RNF212B: variants seen among roughly 807,000 people sequenced by gnomAD.
RNF212B encodes the protein E3 ubiquitin-protein ligase RNF212B.
RNF212B carries 52 observed loss-of-function variants against 55.5 expected under a neutral mutation model. The ratio of observed to expected loss-of-function variants is 0.94; its 90% CI spans 0.75 to 1.18. The LOEUF (loss-of-function observed/expected upper bound fraction) is 1.18. Among genes scored for constraint, RNF212B ranks in the 50% most tolerant of loss-of-function variants. RNF212B has a pLI of 0.00. For synonymous variants in RNF212B, 99 were observed against 121.4 expected, an observed-to-expected ratio of 0.82 and a Z score of 1.21; for missense variants, 289 against 350.4, an observed-to-expected ratio of 0.82 and a Z score of 1.40.
chr14:23,216,886 A>AAAAAAAAAC (rs1881128268), intron 2 of RNF212B, among the ~76,000 whole-genome samples: 1 of 150,430 alleles, frequency 6.6e-6, no homozygotes, highest in Non-Finnish European at 1.5e-5. Flanking sequence ...TCTCAAAAAA[A>AAAAAAAAAC]AAAAAAAAAA....
chr14:23,258,730 T>C, intron 5 of RNF212B, 66 bp downstream of exon 5: 1 of 682,146 alleles, frequency 1.5e-6, no homozygotes, highest in Non-Finnish European at 2.3e-6. Flanking sequence ...GTGACAGTCC[T>C]TATTGTGTTT....
chr14:23,242,442 A>G (rs1731875300), intron 2 of RNF212B, among the ~76,000 whole-genome samples: 1 of 152,232 alleles, frequency 6.6e-6, no homozygotes, highest in Non-Finnish European at 1.5e-5. Flanking sequence ...AGAGCTTCAA[A>G]GCAAGATTAA....
rs1879867775 is a variant in RNF212B at position 23,206,682 on chromosome 14, C to A, written c.-2+13281C>A. On this transcript the variant is annotated intron_variant, in intron 2 of 15. Coordinates refer to the RNF212B transcript ENST00000399910. ...AACAACTCAGGTGAAAATCAAATAGCAAAATTTACATCATAAGGTAGAGAG... is the reference window on the plus strand; with the variant it reads ...AACAACTCAGGTGAAAATCAAATAGAAAAATTTACATCATAAGGTAGAGAG... 2.0e-5 allele frequency among the ~76,000 whole-genome samples: 3 copies of A among 152,016 alleles called. No individual in the cohort carries two copies. In the South Asian group the frequency reaches 6.2e-4, roughly 31 times the overall value.
At chr14:23,241,625 T>C (rs1480866150) in intron 2 of RNF212B, among the ~76,000 whole-genome samples, 1 of 151,838 alleles carries the variant, frequency 6.6e-6, no homozygotes, top group African/African-American at 2.4e-5. Flanking sequence ...GGTTTCACCA[T>C]GTTGGCCAGG....
intron 2 of RNF212B, among the ~76,000 whole-genome samples, chr14:23,193,624 T>C (rs765713626): frequency 6.6e-6 from 1 of 152,100 alleles, no homozygotes; most frequent in Non-Finnish European, 1.5e-5. Context: ...GAACTAGCGA[T>C]AGTGACACAG....
intron 4 of RNF212B, among the ~76,000 whole-genome samples, chr14:23,254,291 AC>A (rs58134677): frequency 0.37 from 36,215 of 97,556 alleles, 5,845 homozygotes; most frequent in African/African-American, 0.47. Context: ...TATCTCAAAA[AC>A]AAAACAAAAC....
Position 23,232,136 on chromosome 14 carries a change from G to A in RNF212B, c.-1-8209G>A, listed in dbSNP as rs575550079. 1.4e-4 allele frequency among the ~76,000 whole-genome samples: 21 copies of A among 151,824 alleles called. No individual in the cohort carries two copies. In the East Asian group the frequency reaches 4.1e-3, roughly 30 times the overall value. On this transcript the variant is annotated intron_variant, in intron 2 of 15. Transcript: ENST00000399910. ...GGGATGTGAGGAGCCCCTCTGCCCGGCTGCCCACTCTGGGAAGTGAGGAGG... is the reference window on the plus strand; with the variant it reads ...GGGATGTGAGGAGCCCCTCTGCCCGACTGCCCACTCTGGGAAGTGAGGAGG...
intron 2 of RNF212B, among the ~76,000 whole-genome samples, chr14:23,226,703 C>T (rs1882054366): frequency 6.6e-6 from 1 of 151,898 alleles, no homozygotes; most frequent in Non-Finnish European, 1.5e-5. Flanking sequence ...AAGGCATCTT[C>T]GTGGTGCTGG....
rs1469106721 is a variant in RNF212B at position 23,260,691 on chromosome 14, A to G, written c.434+4A>G. 6.4e-7 allele frequency: 1 copy of G among 1,550,442 alleles called. No individual in the cohort carries two copies. Among genetic ancestry groups the G allele is most frequent in the Non-Finnish European group, 8.7e-7 (1 of 1,146,898 alleles). On this transcript the variant is annotated splice_donor_region_variant and intron_variant, in intron 7 of 14. Transcript: ENST00000430154. ...CAAGTCGGTACCAAGGAAGCAGGTC[A>G]GTTTTATCAGCTCCCATACTAGCCC...
chr14:23,201,104 A>G (rs1879247146), intron 2 of RNF212B, among the ~76,000 whole-genome samples: 1 of 152,214 alleles, frequency 6.6e-6, no homozygotes, highest in South Asian at 2.1e-4. Context: ...CAAAAAGTCA[A>G]AAAGATTAGT....
intron 2 of RNF212B, among the ~76,000 whole-genome samples, chr14:23,194,792 G>C (rs557571549): frequency 4.6e-4 from 65 of 141,748 alleles, no homozygotes; most frequent in Middle Eastern, 3.8e-3. Flanking sequence ...AGAAAAATTA[G>C]TAAACAGATA....
chr14:23,253,941 T>G (rs1005939244), intron 4 of RNF212B, among the ~76,000 whole-genome samples: 1 of 152,030 alleles, frequency 6.6e-6, no homozygotes, highest in Admixed American at 6.6e-5. Flanking sequence ...TTAAATTGCG[T>G]GCAAAAATAA....
Position 23,240,432 on chromosome 14 carries a change from G to A in RNF212B, c.87G>A (p.Lys29=). Residue 29 remains lysine (K), a synonymous_variant, in exon 2 of 15, where the codon AAG becomes AAA. Coordinates refer to ENST00000430154, the MANE Select transcript of RNF212B (RefSeq NM_001282322.3). Reference sequence around the variant, plus strand: ...GCTGTGGCCATATTTTCTGTAAAAAGTGTGTGACTCTGGGTGAGTGACTCA... The same window carrying A: ...GCTGTGGCCATATTTTCTGTAAAAAATGTGTGACTCTGGGTGAGTGACTCA... ...VTSCGHIFCK[K]CVTLEKCAVC... 1 of 1,549,208 alleles carries A rather than the reference G, an allele frequency of 6.5e-7. No homozygotes were observed. The highest frequency in any genetic ancestry group is 8.7e-7 in the Non-Finnish European group (1 of 1,145,796).
intron 13 of RNF212B, 63 bp downstream of exon 13, chr14:23,270,023 A>G: frequency 1.1e-6 from 1 of 901,540 alleles, no homozygotes; most frequent in Non-Finnish European, 1.8e-6. Context: ...ACTAAAATGA[A>G]GATTTTCAAG....
intron 2 of RNF212B, among the ~76,000 whole-genome samples, chr14:23,217,264 G>C (rs1008921277): frequency 6.6e-6 from 1 of 150,654 alleles, no homozygotes; most frequent in Non-Finnish European, 1.5e-5. Context: ...GTGGGGGGGG[G>C]GCTCCTCTGC....
chr14:23,227,377 G>A lies in RNF212B; in HGVS notation c.-1-12968G>A, dbSNP rs1882131140. The stretch of plus-strand genomic sequence containing the variant: ...AAAGCAGGACAATGGTTGCCTTTAG[G>A]GGAGATGGTGTATGGAAGCGGGCAC... On this transcript the variant is annotated intron_variant, in intron 2 of 15. Coordinates refer to the RNF212B transcript ENST00000399910. Among the ~76,000 whole-genome samples the A allele has an allele frequency of 2.0e-5, 3 of 152,042 alleles. No individual in the cohort carries two copies. In the South Asian group the frequency reaches 6.2e-4, roughly 32 times the overall value.
chr14:23,269,196 C>T (rs1457243478), intron 12 of RNF212B, among the ~76,000 whole-genome samples: 6 of 152,018 alleles, frequency 3.9e-5, no homozygotes, highest in Non-Finnish European at 7.4e-5. Context: ...CCCAGCTACT[C>T]GGGAGGTTGA....
chr14:23,243,633 T>C (rs2140440759), intron 3 of RNF212B, among the ~76,000 whole-genome samples: 1 of 141,782 alleles, frequency 7.1e-6, no homozygotes, highest in East Asian at 2.1e-4. Context: ...GAGGTGGAAG[T>C]TGCAGTGAGC....
intron 2 of RNF212B, among the ~76,000 whole-genome samples, chr14:23,228,064 C>T (rs1566411456): frequency 1.3e-5 from 2 of 151,716 alleles, no homozygotes; most frequent in African/African-American, 4.8e-5. Context: ...AACCTCGTCT[C>T]TACTAAAAAT....
Sources: allele counts gnomAD v4.1 joint callset (sites outside exome capture counted in the v4.1 genomes callset), GRCh38; gene constraint gnomAD v4.1.1; transcripts MANE v1.5; gene names NCBI Gene and HGNC (gene_info 2026-07-23, HGNC 2026-07-21).